The following BICC1 variants were observed in gnomAD, a reference collection of about 807,000 sequenced individuals.
BICC1 encodes BicC family RNA binding protein 1.
BICC1 carries 43 observed loss-of-function variants against 111.0 expected under a neutral mutation model. That is an observed-to-expected ratio of 0.39 (90% CI 0.30 to 0.50). The LOEUF is 0.50. BICC1 is among the 20% of genes least tolerant of loss of function. The pLI, the probability that BICC1 is intolerant of heterozygous loss-of-function variation, is 0.88. For missense variants in BICC1, 1,091 were observed against 1,203.2 expected, an observed-to-expected ratio of 0.91 and a Z score of 1.38; for synonymous variants, 467 against 434.4, an observed-to-expected ratio of 1.07 and a Z score of -0.93.
At chr10:58,640,938 T>C (rs79623075) in intron 2 of BICC1, among the ~76,000 whole-genome samples, 1,827 of 152,338 alleles carry the variant, frequency 0.012, 44 homozygotes, top group African/African-American at 0.042. Context: ...CTTTCTTAAG[T>C]GTCTATTTCA....
chr10:58,715,471 AAG>A, intron 3 of BICC1: 4 of 790,954 alleles, frequency 5.1e-6, no homozygotes, highest in Non-Finnish European at 8.9e-6. Context: ...GGGAGGCGGC[AAG>A]AGGACCTGTG....
At chr10:58,747,649 T>C (rs1841872465) in intron 3 of BICC1, among the ~76,000 whole-genome samples, 1 of 152,190 alleles carries the variant, frequency 6.6e-6, no homozygotes, top group African/African-American at 2.4e-5. Flanking sequence ...TATTTTAAAA[T>C]ATACATTATG....
At chr10:58,609,237 C>T (rs1588923594) in intron 1 of BICC1, among the ~76,000 whole-genome samples, 1 of 152,206 alleles carries the variant, frequency 6.6e-6, no homozygotes, top group East Asian at 1.9e-4. Flanking sequence ...TTAACCTTCC[C>T]TCCATCCCTA....
chr10:58,769,807 A>G (rs1033604316), intron 3 of BICC1, among the ~76,000 whole-genome samples: 1 of 152,026 alleles, frequency 6.6e-6, no homozygotes, highest in Non-Finnish European at 1.5e-5. Context: ...TTTACCAGCT[A>G]GGGAGCTGAG....
chr10:58,647,475 G>A (rs1838304056), intron 2 of BICC1, among the ~76,000 whole-genome samples: 1 of 152,132 alleles, frequency 6.6e-6, no homozygotes, highest in Admixed American at 6.5e-5. Flanking sequence ...AGTTTCAGAA[G>A]CATTTTAATA....
chr10:58,793,068 G>A (rs1304767942), intron 8 of BICC1, among the ~76,000 whole-genome samples: 2 of 152,142 alleles, frequency 1.3e-5, no homozygotes, highest in Non-Finnish European at 2.9e-5. Flanking sequence ...TTAAATGCTC[G>A]ATCATGTTTA....
Position 58,813,957 on chromosome 10 carries a change from G to A in BICC1, c.2504G>A (p.Gly835Asp). The stretch of plus-strand genomic sequence containing the variant: ...CATAGTGAATTTGCAGCTTCTATTG[G>A]CAGCCCTAAGCGTAAACAAAACAAA... Reference protein sequence around the residue: ...GSHSEFAASIGSPKRKQNKST... With the variant: ...GSHSEFAASIDSPKRKQNKST... Residue 835 changes from glycine to aspartate, a missense_variant, in exon 18 of 21, where the codon GGC becomes GAC. This residue lies in a region of BICC1 where 231 missense variants were observed against 256.2 expected (regional missense o/e 0.90). Transcript: ENST00000373886. The A allele has an allele frequency of 6.2e-7, 1 of 1,614,008 alleles. No homozygotes were observed. Among genetic ancestry groups the A allele is most frequent in the Non-Finnish European group, 8.5e-7 (1 of 1,179,934 alleles).
intron 2 of BICC1, among the ~76,000 whole-genome samples, chr10:58,625,935 GT>G (rs1291407107): frequency 6.6e-6 from 1 of 152,086 alleles, no homozygotes; most frequent in Non-Finnish European, 1.5e-5. Context: ...ATAAGTTTTG[GT>G]TTAATTATTT....
chr10:58,778,517 A>T (rs1231600563), intron 3 of BICC1, among the ~76,000 whole-genome samples: 1 of 152,204 alleles, frequency 6.6e-6, no homozygotes, highest in Non-Finnish European at 1.5e-5. Flanking sequence ...GAAAATTATA[A>T]GGGGGAGAAA....
chr10:58,759,703 T>G (rs1352615211), intron 3 of BICC1, among the ~76,000 whole-genome samples: 1 of 152,142 alleles, frequency 6.6e-6, no homozygotes, highest in Non-Finnish European at 1.5e-5. Flanking sequence ...CTCACACCTG[T>G]AATCCCAGCA....
At chr10:58,682,400 G>T (rs530110117) in intron 2 of BICC1, among the ~76,000 whole-genome samples, 1 of 152,238 alleles carries the variant, frequency 6.6e-6, no homozygotes, top group South Asian at 2.1e-4. Flanking sequence ...GGATGGCTGG[G>T]TCAGATGGTA....
chr10:58,740,840 C>T (rs551053064), intron 3 of BICC1, among the ~76,000 whole-genome samples: 30 of 152,178 alleles, frequency 2.0e-4, no homozygotes, highest in East Asian at 1.6e-3. Flanking sequence ...TGGCTTTGGC[C>T]GACCAAAGGC....
chr10:58,789,155 G>C, intron 6 of BICC1, 107 bp from the exon 7 acceptor site: 2 of 968,384 alleles, frequency 2.1e-6, no homozygotes, highest in Non-Finnish European at 3.1e-6. Flanking sequence ...TATAAGGGCA[G>C]TTTATGCTTT....
At chr10:58,785,569 C>G (rs1416257462) in intron 4 of BICC1, among the ~76,000 whole-genome samples, 2 of 152,088 alleles carry the variant, frequency 1.3e-5, no homozygotes, top group Non-Finnish European at 2.9e-5. Flanking sequence ...CTCTCTCTCT[C>G]TCTCTCTGTA....
Position 58,701,689 on chromosome 10 carries a change from C to CGTGT in BICC1, c.238-385_238-384insGTGT, listed in dbSNP as rs1344569463. The stretch of plus-strand genomic sequence containing the variant: ...TCATGCAGTTTTGTATTACAGGAAT[C>CGTGT]ATGTTTGGTGTGTTGCAATCCCTTG... On this transcript the variant is annotated intron_variant, in intron 2 of 20. Coordinates refer to ENST00000373886, the MANE Select transcript of BICC1 (RefSeq NM_001080512.3). 3.3e-5 allele frequency among the ~76,000 whole-genome samples: 5 copies of CGTGT among 152,050 alleles called. No homozygotes were observed. In the East Asian group the frequency reaches 9.6e-4, roughly 29 times the overall value.
intron 1 of BICC1, among the ~76,000 whole-genome samples, chr10:58,590,233 T>C (rs553099588): frequency 6.6e-6 from 1 of 152,300 alleles, no homozygotes; most frequent in East Asian, 1.9e-4. Flanking sequence ...AAACCAGTGC[T>C]GTTGCTGACT....
rs764122252 is a variant in BICC1, at chr10:58,513,342, C to A, written c.190+9C>A. 3.8e-6 allele frequency: 6 copies of A among 1,598,334 alleles called. No homozygotes were observed. The South Asian group carries it at 6.7e-5, about 18-fold the overall frequency. ...TGAGGCCATGTTACAAGGTAGGCAT[C>A]CCTCGTGTTCTCGGACTCTCCGACT... On this transcript the variant is annotated intron_variant, in intron 1 of 20. Coordinates refer to ENST00000373886, the MANE Select transcript of BICC1 (RefSeq NM_001080512.3).
intron 2 of BICC1, among the ~76,000 whole-genome samples, chr10:58,653,274 A>G (rs1038097386): frequency 1.3e-5 from 2 of 152,178 alleles, no homozygotes; most frequent in African/African-American, 2.4e-5. Context: ...ATTTTGGCCA[A>G]GTAACCAGAA....
Position 58,786,306 on chromosome 10 carries a change from T to C in BICC1, c.388-617T>C, listed in dbSNP as rs148881123. ...TTACATTTTGCTTTAATATAACTAA[T>C]GTACTTTGAATTTCTTTATTTAAGC... On this transcript the variant is annotated intron_variant, in intron 4 of 20. Transcript: ENST00000373886. Among the ~76,000 whole-genome samples the C allele has an allele frequency of 2.3e-4, 35 of 152,284 alleles. No homozygotes were observed. In the East Asian group the frequency reaches 6.4e-3, roughly 28 times the overall value.
Sources: allele counts gnomAD v4.1 joint callset (sites outside exome capture counted in the v4.1 genomes callset), GRCh38; gene constraint gnomAD v4.1.1; regional missense constraint gnomAD v4.1.1; transcripts MANE v1.5; gene names NCBI Gene and HGNC (gene_info 2026-07-23, HGNC 2026-07-21).